Variants in TNR observed in about 807,000 individuals in gnomAD.
TNR encodes tenascin R, also known as tenascin-R.
In TNR, 45 loss-of-function variants were observed where a neutral mutation model predicts 150.4. That is an observed-to-expected ratio of 0.30 (90% confidence interval 0.24 to 0.38). The LOEUF is 0.38. TNR is among the 10% of genes least tolerant of loss of function. TNR has a pLI of 1.00. For synonymous variants in TNR, 687 were observed against 678.4 expected (o/e 1.01, Z -0.20); for missense variants, 1,544 against 1,759.1 (o/e 0.88, Z 2.19).
intron 1 of TNR, among the ~76,000 whole-genome samples, chr1:175,683,474 G>C (rs1666101580): frequency 6.6e-6 from 1 of 152,134 alleles, no homozygotes; most frequent in Non-Finnish European, 1.5e-5. Context: ...TCCAAAAAAG[G>C]CTCTGAAAAC....
intron 1 of TNR, among the ~76,000 whole-genome samples, chr1:175,659,890 G>A (rs1665308766): frequency 7.1e-6 from 1 of 141,714 alleles, no homozygotes; most frequent in Non-Finnish European, 1.5e-5. Flanking sequence ...GAAGTCCTTT[G>A]GGTGTCATTT....
In TNR at chr1:175,655,014, G is replaced by A. The variant is rs1022629319; in HGVS notation, c.-165+88212C>T. ...TGGGATTACAGGCGTGAGCCACTGC[G>A]CCCAGCCCAAAAGGTCCCTTCTATC... is the stretch of plus-strand genomic sequence containing the variant. On this transcript the variant is annotated intron_variant, in intron 1 of 22. Transcript: ENST00000367674. Among the ~76,000 whole-genome samples, 6 of 152,106 alleles carry A rather than the reference G, an allele frequency of 3.9e-5. No homozygotes were observed. The East Asian group carries it at 7.7e-4, about 20-fold the overall frequency.
At chr1:175,737,750 T>C (rs1014445842) in intron 1 of TNR, among the ~76,000 whole-genome samples, 4 of 152,160 alleles carry the variant, frequency 2.6e-5, no homozygotes, top group African/African-American at 9.7e-5. Flanking sequence ...GATGTTATTA[T>C]AGAAGCCAAG....
In TNR at chr1:175,631,066, C is replaced by T. The variant is rs376707896; in HGVS notation, c.-164-102697G>A. 7.6e-4 allele frequency among the ~76,000 whole-genome samples: 116 copies of T among 152,282 alleles called. 1 individual carries two copies. Among genetic ancestry groups the T allele is most frequent in the African/African-American group, 2.6e-3 (108 of 41,554 alleles). ...AGCGGGTGTTCTCAAATTTCAACGGCGCAATCTTTGTGAAATAGGACCTGG... is the reference window on the plus strand; with the variant it reads ...AGCGGGTGTTCTCAAATTTCAACGGTGCAATCTTTGTGAAATAGGACCTGG... On this transcript the variant is annotated intron_variant, in intron 1 of 22. Coordinates refer to ENST00000367674, the MANE Select transcript of TNR (RefSeq NM_003285.3).
rs558224945 is a variant in TNR, at chr1:175,423,762, G to A, written c.-63-16985C>T. On this transcript the variant is annotated intron_variant, in intron 2 of 22. Coordinates refer to ENST00000367674, the MANE Select transcript of TNR (RefSeq NM_003285.3). ...GAGCAGGGCTGGAGCATGGGGCTGC[G>A]GAACTAGGGTGGATAAAGCCACATA... Among the ~76,000 whole-genome samples the A allele has an allele frequency of 1.2e-4, 18 of 152,264 alleles. No individual in the cohort carries two copies. The East Asian group carries it at 2.5e-3, about 21-fold the overall frequency.
chr1:175,663,255 C>G (rs903013825), intron 1 of TNR, among the ~76,000 whole-genome samples: 2 of 152,144 alleles, frequency 1.3e-5, no homozygotes, highest in Non-Finnish European at 2.9e-5. Flanking sequence ...TCTTTTTCCC[C>G]TCAGAATCTC....
At chr1:175,496,810 C>T (rs1658508974) in intron 2 of TNR, among the ~76,000 whole-genome samples, 1 of 152,248 alleles carries the variant, frequency 6.6e-6, no homozygotes, top group Non-Finnish European at 1.5e-5. Context: ...CTAGATGCCA[C>T]TGTAAACATT....
intron 1 of TNR, among the ~76,000 whole-genome samples, chr1:175,735,958 G>GA (rs1390378263): frequency 2.6e-5 from 4 of 152,160 alleles, no homozygotes; most frequent in Non-Finnish European, 5.9e-5. Context: ...AAGAGTAGGA[G>GA]AAAAAATAGC....
intron 1 of TNR, among the ~76,000 whole-genome samples, chr1:175,695,892 C>CT (rs1666499890): frequency 6.6e-6 from 1 of 152,130 alleles, no homozygotes; most frequent in Non-Finnish European, 1.5e-5. Context: ...TTACTTATCT[C>CT]TGTGTTCCCA....
intron 1 of TNR, among the ~76,000 whole-genome samples, chr1:175,539,706 G>A (rs574655654): frequency 1.2e-3 from 178 of 152,304 alleles, no homozygotes; most frequent in African/African-American, 4.2e-3. Context: ...CCTGAGGCCA[G>A]GCTGTTGCTC....
intron 21 of TNR, among the ~76,000 whole-genome samples, chr1:175,327,359 C>G (rs1308239650): frequency 6.6e-6 from 1 of 152,188 alleles, no homozygotes; most frequent in Admixed American, 6.5e-5. Context: ...ATTTATAATA[C>G]CTTTTTCTTA....
At chr1:175,680,109 C>A (rs1206202444) in intron 1 of TNR, among the ~76,000 whole-genome samples, 2 of 152,224 alleles carry the variant, frequency 1.3e-5, no homozygotes, top group African/African-American at 4.8e-5. Context: ...GTATGCAGGG[C>A]ACTCCCCAGC....
At chr1:175,624,387 C>A (rs1166196915) in intron 1 of TNR, among the ~76,000 whole-genome samples, 1 of 152,058 alleles carries the variant, frequency 6.6e-6, no homozygotes, top group Non-Finnish European at 1.5e-5. Flanking sequence ...GATATATTAG[C>A]TAGTTAGGTC....
At chr1:175,546,538 G>A (rs1660694747) in intron 1 of TNR, among the ~76,000 whole-genome samples, 2 of 152,202 alleles carry the variant, frequency 1.3e-5, no homozygotes, top group South Asian at 2.1e-4. Flanking sequence ...GGGAGGCCAC[G>A]AGGGCAGAGT....
At chr1:175,607,932 A>G (rs1257662681) in intron 1 of TNR, among the ~76,000 whole-genome samples, 1 of 152,238 alleles carries the variant, frequency 6.6e-6, no homozygotes, top group Non-Finnish European at 1.5e-5. Context: ...GCAGCTGCTT[A>G]ACTGATGTAC....
intron 7 of TNR, among the ~76,000 whole-genome samples, chr1:175,386,544 G>A (rs1355051988): frequency 6.6e-6 from 1 of 152,208 alleles, no homozygotes; most frequent in Non-Finnish European, 1.5e-5. Flanking sequence ...GTAGTTTCCA[G>A]GTGATGGCAC....
chr1:175,579,205 C>CTTCG (rs1471150533), intron 1 of TNR, among the ~76,000 whole-genome samples: 1 of 146,160 alleles, frequency 6.8e-6, no homozygotes, highest in Non-Finnish European at 1.5e-5. Context: ...TCCTTCCTTC[C>CTTCG]TTCTTTCCTT....
At chr1:175,481,298 T>C (rs892628746) in intron 2 of TNR, among the ~76,000 whole-genome samples, 1 of 152,244 alleles carries the variant, frequency 6.6e-6, no homozygotes. Context: ...GTGGTAATAC[T>C]ATGTCTGGTC....
At chr1:175,539,401 G>A (rs749904007) in intron 1 of TNR, among the ~76,000 whole-genome samples, 4 of 152,248 alleles carry the variant, frequency 2.6e-5, no homozygotes, top group African/African-American at 9.6e-5. Flanking sequence ...TTTAATGGAG[G>A]TGTAAACAAA....
Sources: gnomAD v4.1 joint callset for allele counts (sites outside exome capture counted in the v4.1 genomes callset) on GRCh38, gnomAD v4.1.1 for gene constraint, MANE v1.5 for transcripts, NCBI Gene and HGNC (gene_info 2026-07-23, HGNC 2026-07-21) for gene names.